The following NIN variants were observed in gnomAD, a reference collection of about 807,000 sequenced individuals.
NIN encodes the protein glycogen synthase kinase 3 beta-interacting protein.
A neutral mutation model predicts 257.6 loss-of-function variants in NIN; 137 were observed. The observed-to-expected ratio is 0.53, with a 90% CI of 0.46 to 0.61. NIN has a LOEUF of 0.61. Among genes scored for constraint, NIN ranks in the 20% least tolerant of loss-of-function variants. The pLI, the probability that NIN is intolerant of heterozygous loss-of-function variation, is 0.00. For synonymous variants in NIN, 918 were observed against 919.8 expected (o/e 1.00, Z 0.04); for missense variants, 2,439 against 2,501.2 (o/e 0.98, Z 0.53).
chr14:50,820,423 C>T (rs1489430856), intron 3 of NIN, among the ~76,000 whole-genome samples: 1 of 152,150 alleles, frequency 6.6e-6, no homozygotes. Flanking sequence ...CTCAAGGAAA[C>T]CTTAGTTGTA....
At chr14:50,804,853 C>T (rs1198538876) in intron 4 of NIN, among the ~76,000 whole-genome samples, 2 of 151,932 alleles carry the variant, frequency 1.3e-5, no homozygotes, top group African/African-American at 4.8e-5. Flanking sequence ...AGAAAGTTTA[C>T]AAATTTGTGT....
intron 2 of NIN, among the ~76,000 whole-genome samples, chr14:50,829,324 T>C (rs551432955): frequency 3.3e-5 from 5 of 152,242 alleles, no homozygotes; most frequent in African/African-American, 1.2e-4. Flanking sequence ...ACCTATATAA[T>C]ATGCTCACCA....
In NIN at chr14:50,721,923, TGA is replaced by T. The variant is rs2040277921; in HGVS notation, c.*1538_*1539del. The T allele has an allele frequency of 4.4e-6, 1 of 226,326 alleles. No homozygotes were observed. The highest frequency in any genetic ancestry group is 8.8e-6 in the Non-Finnish European group (1 of 113,650). 14.0% of individuals were successfully genotyped at this position (226,326 alleles called of 1,614,324 possible). ...TGTTGAGATTGAGTTTCTGACATGA[TGA>T]CTTCTTGGGCAGTTTGCTTTCTCTT... On this transcript the variant is annotated 3_prime_UTR_variant, in exon 31 of 31. Coordinates refer to ENST00000530997, the MANE Select transcript of NIN (RefSeq NM_020921.4).
At chr14:50,763,713 C>CTT in intron 15 of NIN, 113 bp downstream of exon 15, 8 of 675,468 alleles carry the variant, frequency 1.2e-5, no homozygotes, top group African/African-American at 7.4e-5. Context: ...TGGCCAAATT[C>CTT]TTTTTTTTTT....
rs201013063 is a variant in NIN at position 50,723,590 on chromosome 14, G to A, written c.6275C>T (p.Thr2092Ile). The A allele has an allele frequency of 1.1e-4, 185 of 1,613,794 alleles. No individual in the cohort carries two copies. Among genetic ancestry groups the A allele is most frequent in the Middle Eastern group, 1.6e-4 (1 of 6,082 alleles). ...NAQLLKALEVTEQRQKTAEKK... is the reference protein window; with the variant it reads ...NAQLLKALEVIEQRQKTAEKK... ...CTCTGCTGTTTTCTGTCGCTGTTCA[G>A]TCACTTCCAGAGCTTTCAACAACTG... Residue 2092 changes from threonine (T) to isoleucine (I), a missense_variant, in exon 31 of 31, where the codon ACT (threonine) becomes ATT (isoleucine). Physicochemically the swap from Thr to Ile is moderately conservative, Grantham distance 89 (BLOSUM62 -1). This residue lies in a region of NIN where 2,043 missense variants were observed against 2,050.2 expected (regional missense o/e 1.00). Transcript: ENST00000530997.
rs2040277014 is a variant in NIN, at chr14:50,721,886, T to C, written c.*1577A>G. On this transcript the variant is annotated 3_prime_UTR_variant, in exon 31 of 31. Coordinates refer to ENST00000530997, the MANE Select transcript of NIN (RefSeq NM_020921.4). ...CCCAAGAAACCCTGAAGTTCCCTGA[T>C]GGAAATTATTTTGTTGAGATTGAGT... 8.9e-6 allele frequency: 2 copies of C among 223,980 alleles called. No homozygotes were observed. Among genetic ancestry groups the C allele is most frequent in the African/African-American group, 4.5e-5 (2 of 44,816 alleles). 13.9% of individuals were successfully genotyped at this position (223,980 alleles called of 1,614,324 possible). A position where few individuals can be genotyped will look rare whatever the true frequency, so the allele number is the denominator to read the frequency against.
intron 5 of NIN, among the ~76,000 whole-genome samples, chr14:50,782,453 G>C (rs1241137322): frequency 6.6e-6 from 1 of 152,106 alleles, no homozygotes; most frequent in Non-Finnish European, 1.5e-5. Flanking sequence ...AAAAAACCAT[G>C]TAGGAACGTG....
chr14:50,771,010 C>T lies in NIN; in HGVS notation c.1119-18G>A, dbSNP rs2042708515. The T allele has an allele frequency of 1.9e-6, 3 of 1,610,740 alleles. No homozygotes were observed. Among genetic ancestry groups the T allele is most frequent in the Non-Finnish European group, 2.5e-6 (3 of 1,178,638 alleles). ...CTCGTTCCCTAGGATCAGAAGTACA[C>T]TGAGTTAATGGGAAACTGTTTCTAA... On this transcript the variant is annotated intron_variant, in intron 10 of 30. Transcript: ENST00000530997.
intron 3 of NIN, among the ~76,000 whole-genome samples, chr14:50,811,575 A>G (rs1376439562): frequency 1.4e-5 from 1 of 72,478 alleles, no homozygotes; most frequent in Non-Finnish European, 2.9e-5. Flanking sequence ...TTTTTGGTCT[A>G]CCATTAAATG....
intron 28 of NIN, among the ~76,000 whole-genome samples, chr14:50,734,016 C>G (rs1223107713): frequency 1.3e-5 from 2 of 151,992 alleles, no homozygotes; most frequent in Non-Finnish European, 2.9e-5. Flanking sequence ...TTTTTAAAAG[C>G]TACCTTTGCA....
rs142733791 is a variant in NIN, at chr14:50,760,215, C to T, written c.2041G>A (p.Gly681Arg). 4.4e-4 allele frequency: 708 copies of T among 1,613,796 alleles called. 2 individuals are homozygous for T. The African/African-American group carries it at 7.8e-3, about 18-fold the overall frequency. Residue 681 changes from glycine (G) to arginine (R), a missense_variant, in exon 17 of 31, where the codon GGG becomes AGG. By Grantham distance (125) the Gly-to-Arg change is moderately radical. Transcript: ENST00000530997. The stretch of plus-strand genomic sequence containing the variant: ...GCCTCCTTGAGCACTGCTGCTTGCC[C>T]CTGAAGTTCAGCAATTTCATTTTTA... ...DLKNEIAELQ[G>R]QAAVLKEAHH...
At chr14:50,746,893 G>A (rs139745419) in intron 22 of NIN, among the ~76,000 whole-genome samples, 11 of 151,680 alleles carry the variant, frequency 7.3e-5, no homozygotes, top group South Asian at 4.2e-4. Flanking sequence ...GTATTCTGTC[G>A]CCCAGGCTGG....
At chr14:50,810,777 C>T (rs1335071069) in intron 3 of NIN, among the ~76,000 whole-genome samples, 1 of 152,098 alleles carries the variant, frequency 6.6e-6, no homozygotes, top group African/African-American at 2.4e-5. Flanking sequence ...TCTCCTGCCT[C>T]AGCCTCCCGA....
intron 25 of NIN, among the ~76,000 whole-genome samples, chr14:50,741,019 G>A (rs1430155970): frequency 6.6e-6 from 1 of 152,176 alleles, no homozygotes; most frequent in African/African-American, 2.4e-5. Flanking sequence ...ACTTTCTGGT[G>A]CCATAGCAAC....
chr14:50,791,162 T>C (rs1335465731), intron 5 of NIN, among the ~76,000 whole-genome samples: 1 of 152,108 alleles, frequency 6.6e-6, no homozygotes, highest in East Asian at 1.9e-4. Context: ...CCACTCAGGG[T>C]TATAGAACAG....
intron 21 of NIN, among the ~76,000 whole-genome samples, chr14:50,748,904 C>G (rs1052112519): frequency 3.3e-5 from 5 of 152,152 alleles, no homozygotes; most frequent in Non-Finnish European, 5.9e-5. Flanking sequence ...TTTATAGATT[C>G]GGTGCTATTC....
chr14:50,741,022 A>C (rs896206938), intron 25 of NIN, among the ~76,000 whole-genome samples: 8 of 152,238 alleles, frequency 5.3e-5, no homozygotes, highest in African/African-American at 1.7e-4. Flanking sequence ...TTCTGGTGCC[A>C]TAGCAACCTA....
chr14:50,752,966 C>T (rs980377201), intron 20 of NIN, among the ~76,000 whole-genome samples: 1 of 152,150 alleles, frequency 6.6e-6, no homozygotes, highest in African/African-American at 2.4e-5. Context: ...AGCCCATTGT[C>T]CACAGCTGGA....
Position 50,735,576 on chromosome 14 carries a change from A to T in NIN, c.5817T>A (p.Ile1939=). The change falls in exon 28 of 31, where the codon ATT becomes ATA. Residue 1939 remains isoleucine, a synonymous_variant. Coordinates refer to ENST00000530997, the MANE Select transcript of NIN (RefSeq NM_020921.4). ...TTTTCAGGCCTTCATTTTCCAAATGAATTGTTTCTAATTCTTGTTCAAGGG... is the reference window on the plus strand; with the variant it reads ...TTTTCAGGCCTTCATTTTCCAAATGTATTGTTTCTAATTCTTGTTCAAGGG... ...MNSLEQELET[I]HLENEGLKKK... is the part of the protein sequence containing the mutation. 2 of 1,612,670 alleles carry T rather than the reference A, an allele frequency of 1.2e-6. No individual in the cohort carries two copies. Among genetic ancestry groups the T allele is most frequent in the Non-Finnish European group, 1.7e-6 (2 of 1,179,990 alleles).
Sources: allele counts gnomAD v4.1 joint callset (sites outside exome capture counted in the v4.1 genomes callset), GRCh38; gene constraint gnomAD v4.1.1; regional missense constraint gnomAD v4.1.1; transcripts MANE v1.5; gene names NCBI Gene and HGNC (gene_info 2026-07-23, HGNC 2026-07-21).